Variants in KPNA7 observed in about 807,000 individuals in gnomAD.
The protein encoded by KPNA7 is importin subunit alpha-8.
KPNA7 carries 54 observed loss-of-function variants against 53.7 expected under a neutral mutation model. The observed-to-expected ratio is 1.01, with a 90% CI of 0.81 to 1.26. KPNA7 has a LOEUF of 1.26. Among genes scored for constraint, KPNA7 ranks in the 50% most tolerant of loss-of-function variants. The probability of loss-of-function intolerance (pLI) is 0.00; values close to 1 mark genes in which losing one functional copy is unlikely to be tolerated. For synonymous variants in KPNA7, 276 were observed against 259.3 expected, an observed-to-expected ratio of 1.06 and a Z score of -0.62; for missense variants, 640 against 644.5, an observed-to-expected ratio of 0.99 and a Z score of 0.07.
rs769895358 is a variant in KPNA7 at position 99,180,835 on chromosome 7, C to CTG, written c.1317+1046_1317+1047dup. ...CGTCTGTGTCTCTCTCTCTCCCCGT[C>CTG]TGTCTCTCTCTCTCTCCCCGTCTGT... On this transcript the variant is annotated intron_variant, in intron 9 of 10. Coordinates refer to ENST00000327442, the MANE Select transcript of KPNA7 (RefSeq NM_001145715.3). 3.3e-5 allele frequency among the ~76,000 whole-genome samples: 2 copies of CTG among 59,832 alleles called. 1 individual carries two copies. The highest frequency in any genetic ancestry group is 1.6e-3 in the East Asian group (2 of 1,230). The allele number at this position is 59,832 out of a possible 152,430, so 39.3% of individuals were successfully genotyped here.
chr7:99,173,457 T>G (rs1436997387), downstream of KPNA7: 2 of 285,720 alleles, frequency 7.0e-6, no homozygotes, highest in African/African-American at 4.5e-5. Flanking sequence ...CCTCCCAAAG[T>G]GCTGGGATTA....
At chr7:99,149,197 C>T in the KPNA7 span, among the ~76,000 whole-genome samples, 1 of 152,126 alleles carries the variant, frequency 6.6e-6, no homozygotes, top group Non-Finnish European at 1.5e-5. Flanking sequence ...ACCACCATGC[C>T]TGGCCCCAAT....
At chr7:99,211,246 C>A (rs578010871), upstream of KPNA7, among the ~76,000 whole-genome samples, 51 of 152,218 alleles carry the variant, frequency 3.4e-4, no homozygotes, top group African/African-American at 1.2e-3. Flanking sequence ...ATGGCAAAAC[C>A]CTGTCTCTAC....
chr7:99,182,197 C>T lies in KPNA7; in HGVS notation c.1135-132G>A, dbSNP rs549543969. ...GTACAATTTACATAGAATGCCTTGG[C>T]TACCTGCCTCTAGCTCTTTCTTTCC... On this transcript the variant is annotated intron_variant, in intron 8 of 10. Coordinates refer to ENST00000327442, the MANE Select transcript of KPNA7 (RefSeq NM_001145715.3). 288 of 616,822 alleles carry T rather than the reference C, an allele frequency of 4.7e-4. 4 individuals carry two copies. Among genetic ancestry groups the T allele is most frequent in the South Asian group, 3.9e-3 (165 of 42,048 alleles). The allele number at this position is 616,822 out of a possible 1,614,324, so 38.2% of individuals were successfully genotyped here. A position where few individuals can be genotyped will look rare whatever the true frequency, so the allele number is the denominator to read the frequency against.
chr7:99,152,303 C>T, the KPNA7 span, among the ~76,000 whole-genome samples: 2 of 148,936 alleles, frequency 1.3e-5, no homozygotes, highest in East Asian at 2.0e-4. Context: ...CAGAAGTTGC[C>T]GTGAGACAAG....
rs536822397 is a variant in KPNA7, at chr7:99,201,866, C to A, written c.201+1240G>T. ...GGGATTACAGGCACCCACTACCACACCCGGCTAATTTTTGTATTCTTAGTA... is the reference window on the plus strand; with the variant it reads ...GGGATTACAGGCACCCACTACCACAACCGGCTAATTTTTGTATTCTTAGTA... On this transcript the variant is annotated intron_variant, in intron 3 of 10. Coordinates refer to ENST00000327442, the MANE Select transcript of KPNA7 (RefSeq NM_001145715.3). 7.9e-5 allele frequency among the ~76,000 whole-genome samples: 12 copies of A among 151,862 alleles called. No individual in the cohort carries two copies. In the East Asian group the frequency reaches 2.4e-3, roughly 30 times the overall value.
intron 5 of KPNA7, among the ~76,000 whole-genome samples, chr7:99,193,336 C>T (rs1429348674): frequency 1.3e-4 from 20 of 152,200 alleles, no homozygotes; most frequent in Non-Finnish European, 2.5e-4. Context: ...CAGAGCCAGC[C>T]AACTCAGCCA....
In KPNA7 at chr7:99,196,178, G is replaced by C. The variant is rs778879369; in HGVS notation, c.202-12C>G. On this transcript the variant is annotated splice_polypyrimidine_tract_variant and intron_variant, in intron 3 of 10. Transcript: ENST00000327442. ...AGAGTGAGGCTGACCTGCAAGAAGA[G>C]ACACATTCAGGTCAGACTGTCTGCC... 5 of 1,543,456 alleles carry C rather than the reference G, an allele frequency of 3.2e-6. No homozygotes were observed. The East Asian group carries it at 7.3e-5, about 23-fold the overall frequency.
chr7:99,177,920 C>T lies in KPNA7; in HGVS notation c.1464G>A (p.Glu488=). The T allele has an allele frequency of 1.3e-6, 2 of 1,551,888 alleles. No individual in the cohort carries two copies. Among genetic ancestry groups the T allele is most frequent in the South Asian group, 2.4e-5 (2 of 83,970 alleles). The part of the protein sequence containing the change: ...ALNIIEKHFG[E]EEDESQTLLS... The stretch of plus-strand genomic sequence containing the variant: ...TCCTCCACGCTCCTAAGTCACTTAC[C>T]TCACCAAAGTGCTTCTCGATGATGT... Residue 488 remains glutamate, a splice_region_variant and synonymous_variant, in exon 10 of 11, where the codon GAG becomes GAA. Coordinates refer to ENST00000327442, the MANE Select transcript of KPNA7 (RefSeq NM_001145715.3).
intron 9 of KPNA7, 28 bp from the exon 10 acceptor site, chr7:99,178,094 AC>A (rs1259306089): frequency 3.3e-5 from 51 of 1,544,586 alleles, no homozygotes; most frequent in Non-Finnish European, 4.4e-5. Context: ...GGGACATGAG[AC>A]CCCCGGCAGG....
chr7:99,172,640 GAGAT>G (rs1323048429), downstream of KPNA7, among the ~76,000 whole-genome samples: 1 of 152,176 alleles, frequency 6.6e-6, no homozygotes, highest in Non-Finnish European at 1.5e-5. Flanking sequence ...AAGAATAAGA[GAGAT>G]TGAGTTTCTA....
intron 9 of KPNA7, among the ~76,000 whole-genome samples, chr7:99,178,712 T>C (rs1799018763): frequency 7.4e-6 from 1 of 135,758 alleles, no homozygotes; most frequent in African/African-American, 2.8e-5. Context: ...TGCCTTGGCC[T>C]CCCAAAGTGC....
rs539030701 is a variant in KPNA7 at position 99,179,983 on chromosome 7, C to T, written c.1317+1900G>A. Among the ~76,000 whole-genome samples the T allele has an allele frequency of 2.6e-5, 4 of 152,278 alleles. No individual in the cohort carries two copies. In the South Asian group the frequency reaches 8.3e-4, roughly 32 times the overall value. Reference sequence around the variant, plus strand: ...TGCTCAAACCCTGTGTAGTTCCCCACCCACATTGAATGGGGATGACCTGTG... The same window carrying T: ...TGCTCAAACCCTGTGTAGTTCCCCATCCACATTGAATGGGGATGACCTGTG... On this transcript the variant is annotated intron_variant, in intron 9 of 10. Transcript: ENST00000327442.
intron 1 of KPNA7, among the ~76,000 whole-genome samples, chr7:99,216,647 C>T (rs1288900644): frequency 6.6e-6 from 1 of 152,154 alleles, no homozygotes; most frequent in African/African-American, 2.4e-5. Context: ...CTGCAACCTC[C>T]ACCTTCCAGA....
chr7:99,180,720 C>T (rs377419523), intron 9 of KPNA7, among the ~76,000 whole-genome samples: 9 of 58,830 alleles, frequency 1.5e-4, no homozygotes, highest in African/African-American at 2.4e-4. Flanking sequence ...TCTCTCTCTC[C>T]GTCTGTGTCT....
intron 8 of KPNA7, among the ~76,000 whole-genome samples, chr7:99,183,853 TTTTG>T (rs1465044897): frequency 1.3e-5 from 2 of 152,124 alleles, no homozygotes; most frequent in Admixed American, 1.3e-4. Flanking sequence ...GTTTTTTTGT[TTTTG>T]TTTTTTTGCG....
At chr7:99,165,579 G>A in the KPNA7 span, among the ~76,000 whole-genome samples, 10 of 152,168 alleles carry the variant, frequency 6.6e-5, no homozygotes, top group African/African-American at 2.4e-4. Flanking sequence ...GTTGGTGCAG[G>A]TGAACTGTCT....
rs779005625 is a variant in KPNA7 at position 99,180,529 on chromosome 7, C to CTCTGTCTCCG, written c.1317+1344_1317+1353dup. Among the ~76,000 whole-genome samples, 46 of 92,552 alleles carry CTCTGTCTCCG rather than the reference C, an allele frequency of 5.0e-4. 23 individuals carry two copies. Among genetic ancestry groups the CTCTGTCTCCG allele is most frequent in the East Asian group, 2.7e-3 (8 of 2,948 alleles). The allele number at this position is 92,552 out of a possible 152,430, so 60.7% of individuals were successfully genotyped here. On this transcript the variant is annotated intron_variant, in intron 9 of 10. Coordinates refer to ENST00000327442, the MANE Select transcript of KPNA7 (RefSeq NM_001145715.3). ...TCTCTCTCTCTCTGTGTCTCTATCT[C>CTCTGTCTCCG]TCTGTCTCCGTCTGTCTCCGTCTGT...
In KPNA7 at chr7:99,181,029, C is replaced by CTG. The variant is rs1157303075; in HGVS notation, c.1317+852_1317+853dup. Among the ~76,000 whole-genome samples, 2 of 125,348 alleles carry CTG rather than the reference C, an allele frequency of 1.6e-5. 1 individual carries two copies. The highest frequency in any genetic ancestry group is 3.1e-5 in the Non-Finnish European group (2 of 63,978). 82.2% of individuals were successfully genotyped at this position (125,348 alleles called of 152,430 possible). A position where few individuals can be genotyped will look rare whatever the true frequency, so the allele number is the denominator to read the frequency against. ...TCTCTCTCTCTGTGTGTGTGTCTCT[C>CTG]TGTGTGTGTCTCTCTCTCTCTCTCC... On this transcript the variant is annotated intron_variant, in intron 9 of 10. Transcript: ENST00000327442.
Sources: allele counts gnomAD v4.1 joint callset (sites outside exome capture counted in the v4.1 genomes callset), GRCh38; gene constraint gnomAD v4.1.1; transcripts MANE v1.5; gene names NCBI Gene and HGNC (gene_info 2026-07-23, HGNC 2026-07-21).